BRAF: variants seen among roughly 807,000 people sequenced by gnomAD.
BRAF encodes the protein serine/threonine-protein kinase B-raf.
BRAF carries 16 observed loss-of-function variants against 104.6 expected under a neutral mutation model. The observed-to-expected ratio is 0.15, with a 90% CI of 0.10 to 0.23. The LOEUF is 0.23. BRAF is among the 10% of genes least tolerant of loss of function. The pLI, the probability that BRAF is intolerant of heterozygous loss-of-function variation, is 1.00. For synonymous variants in BRAF, 310 were observed against 341.6 expected (o/e 0.91, Z 1.02); for missense variants, 541 against 937.3 (o/e 0.58, Z 5.52).
Position 140,778,039 on chromosome 7 carries a change from G to C in BRAF, c.1589C>G (p.Pro530Arg). The C allele has an allele frequency of 6.2e-7, 1 of 1,613,368 alleles. No individual in the cohort carries two copies. Among genetic ancestry groups the C allele is most frequent in the Non-Finnish European group, 8.5e-7 (1 of 1,179,754 alleles). The change falls in exon 13 of 20, where the codon CCT becomes CGT. Residue 530 changes from proline to arginine, a missense_variant. By Grantham distance (103) the Pro-to-Arg change is moderately radical (BLOSUM62 -2). Transcript: ENST00000644969. ...VAVKMLNVTA[P>R]TPQQLQAFKN... ...GAAGGCTTGTAACTGCTGAGGTGTAGGTGCTGTCACATTCAACATTTTCAC... is the reference window on the plus strand; with the variant it reads ...GAAGGCTTGTAACTGCTGAGGTGTACGTGCTGTCACATTCAACATTTTCAC...
intron 14 of BRAF, among the ~76,000 whole-genome samples, chr7:140,768,670 AT>A (rs1410122992): frequency 1.3e-5 from 2 of 151,900 alleles, no homozygotes; most frequent in Non-Finnish European, 1.5e-5. Context: ...ATTAAAAAAA[AT>A]TTTTTTGTAG....
chr7:140,895,665 T>G (rs1814801259), intron 1 of BRAF, among the ~76,000 whole-genome samples: 1 of 152,188 alleles, frequency 6.6e-6, no homozygotes, highest in African/African-American at 2.4e-5. Flanking sequence ...CACATAAGAG[T>G]GAGAACATGC....
intron 1 of BRAF, among the ~76,000 whole-genome samples, chr7:140,875,563 A>C (rs949349541): frequency 6.6e-6 from 1 of 152,198 alleles, no homozygotes; most frequent in Non-Finnish European, 1.5e-5. Context: ...CTTTTAGTAC[A>C]GACAGGGTTT....
At chr7:140,904,842 C>T (rs1216024922) in intron 1 of BRAF, among the ~76,000 whole-genome samples, 1 of 152,086 alleles carries the variant, frequency 6.6e-6, no homozygotes, top group Non-Finnish European at 1.5e-5. Flanking sequence ...CTCCAGCCCT[C>T]GTGATCCGCC....
intron 3 of BRAF, among the ~76,000 whole-genome samples, chr7:140,830,703 G>A (rs1212121355): frequency 6.6e-6 from 1 of 152,144 alleles, no homozygotes; most frequent in Non-Finnish European, 1.5e-5. Context: ...ACACCTATAT[G>A]ATGAAGCTTC....
At chr7:140,790,301 C>T (rs1472455491) in intron 8 of BRAF, among the ~76,000 whole-genome samples, 4 of 152,234 alleles carry the variant, frequency 2.6e-5, no homozygotes, top group Admixed American at 1.3e-4. Flanking sequence ...TTTTAAATTC[C>T]GAATGTGTTC....
At chr7:140,914,183 T>C (rs974976317) in intron 1 of BRAF, among the ~76,000 whole-genome samples, 1 of 152,260 alleles carries the variant, frequency 6.6e-6, no homozygotes, top group Non-Finnish European at 1.5e-5. Flanking sequence ...TGAAGGCTTT[T>C]ACATATTCAT....
chr7:140,794,810 A>G (rs1802346969), intron 7 of BRAF, among the ~76,000 whole-genome samples: 1 of 152,190 alleles, frequency 6.6e-6, no homozygotes, highest in Non-Finnish European at 1.5e-5. Context: ...GAATGACTGA[A>G]TATAATTTGC....
At chr7:140,736,962 A>G (rs1796496946) in intron 18 of BRAF, among the ~76,000 whole-genome samples, 1 of 151,980 alleles carries the variant, frequency 6.6e-6, no homozygotes, top group Admixed American at 6.5e-5. Flanking sequence ...AGGTGAGAGG[A>G]TCGCTTGAGC....
chr7:140,735,136 CTTTT>C (rs1796301742), intron 18 of BRAF, among the ~76,000 whole-genome samples: 2 of 152,278 alleles, frequency 1.3e-5, no homozygotes, highest in South Asian at 4.1e-4. Flanking sequence ...CCACAAGTCT[CTTTT>C]GGGAAGAAGA....
chr7:140,733,974 C>T, intron 19 of BRAF: 1 of 1,021,924 alleles, frequency 9.8e-7, no homozygotes. Context: ...TCAAACGTGC[C>T]ACTCCTCAGC....
At chr7:140,821,110 GT>G (rs1562976887) in intron 3 of BRAF, among the ~76,000 whole-genome samples, 2 of 151,642 alleles carry the variant, frequency 1.3e-5, no homozygotes, top group Non-Finnish European at 2.9e-5. Context: ...TCCCGCCTCA[GT>G]CTCCCAAGTA....
In BRAF at chr7:140,725,578, G is replaced by C. The variant is rs1227497973; in HGVS notation, c.*916C>G. The C allele has an allele frequency of 1.9e-6, 2 of 1,055,768 alleles. No individual in the cohort carries two copies. The highest frequency in any genetic ancestry group is 2.3e-6 in the Non-Finnish European group (2 of 873,314). The allele number at this position is 1,055,768 out of a possible 1,614,324, so 65.4% of individuals were successfully genotyped here. On this transcript the variant is annotated 3_prime_UTR_variant, in exon 20 of 20. Transcript: ENST00000644969. ...TATTAAGCAGTTTTGTGGGGGTTTA[G>C]TTAGATACTGCCACGGCATTTTGTG...
intron 1 of BRAF, among the ~76,000 whole-genome samples, chr7:140,922,885 CTGGAAACAA>C (rs1465246733): frequency 6.6e-6 from 1 of 151,940 alleles, no homozygotes; most frequent in Non-Finnish European, 1.5e-5. Flanking sequence ...TGAATGGTAA[CTGGAAACAA>C]GGGAAACAGA....
rs76771753 is a variant in BRAF at position 140,826,165 on chromosome 7, T to C, written c.504+8444A>G. 7.7e-3 allele frequency among the ~76,000 whole-genome samples: 1,170 copies of C among 152,316 alleles called. 18 individuals are homozygous for C. The highest frequency in any genetic ancestry group is 0.027 in the African/African-American group (1,106 of 41,572). On this transcript the variant is annotated intron_variant, in intron 3 of 19. Coordinates refer to ENST00000644969, the MANE Select transcript of BRAF (RefSeq NM_001374258.1). Reference sequence around the variant, plus strand: ...TTCACTGAGTTTTTTAAATAAATATTTGAATTTCTATGTGACATTTAAACA... The same window carrying C: ...TTCACTGAGTTTTTTAAATAAATATCTGAATTTCTATGTGACATTTAAACA...
chr7:140,806,278 C>CT (rs1467655737), intron 5 of BRAF, among the ~76,000 whole-genome samples: 2 of 152,188 alleles, frequency 1.3e-5, no homozygotes, highest in Non-Finnish European at 2.9e-5. Flanking sequence ...TTAGGAATCT[C>CT]TGTGCATCTA....
At chr7:140,894,463 A>ATC (rs1417841807) in intron 1 of BRAF, among the ~76,000 whole-genome samples, 8 of 152,216 alleles carry the variant, frequency 5.3e-5, no homozygotes, top group Non-Finnish European at 4.4e-5. Flanking sequence ...CAAGGTTTAT[A>ATC]TCTCATATGA....
At chr7:140,910,467 C>T (rs777048764) in intron 1 of BRAF, among the ~76,000 whole-genome samples, 4 of 152,058 alleles carry the variant, frequency 2.6e-5, no homozygotes, top group Non-Finnish European at 4.4e-5. Context: ...GTTTAGAAGA[C>T]TTTTTTCCCC....
rs2129152274 is a variant in BRAF at position 140,924,018 on chromosome 7, A to G, written c.138+548T>C. The stretch of plus-strand genomic sequence containing the variant: ...AAATCAAAATAATTTGCTGGGTAAA[A>G]CAGGTGAAGAGAAATCCCCAAATAG... On this transcript the variant is annotated intron_variant, in intron 1 of 19. Transcript: ENST00000644969. This position sits in a 1 kb window ranked among gnomAD's most constrained non-coding sequence, Gnocchi z 4.2. Among the ~76,000 whole-genome samples, 1 of 152,276 alleles carries G rather than the reference A, an allele frequency of 6.6e-6. No individual in the cohort carries two copies.
Sources: allele counts gnomAD v4.1 joint callset (sites outside exome capture counted in the v4.1 genomes callset), GRCh38; gene constraint gnomAD v4.1.1; non-coding constraint Gnocchi (gnomAD v3.1); transcripts MANE v1.5; gene names NCBI Gene and HGNC (gene_info 2026-07-23, HGNC 2026-07-21).